Variants in PRRG1 observed in about 807,000 individuals in gnomAD.
PRRG1 encodes the protein transmembrane gamma-carboxyglutamic acid protein 1.
Under a neutral mutation model 11.8 loss-of-function variants are expected in PRRG1, and 5 were observed. That is an observed-to-expected ratio of 0.42 (90% CI 0.22 to 0.89). The LOEUF (loss-of-function observed/expected upper bound fraction) is 0.89, where lower values mean the gene tolerates loss of function less well. PRRG1 is among the 40% of genes least tolerant of loss of function. PRRG1 has a pLI of 0.28. For missense variants in PRRG1, 155 were observed against 166.1 expected (o/e 0.93, Z 0.37); for synonymous variants, 66 against 60.4 (o/e 1.09, Z -0.43).
intron 2 of PRRG1, among the ~76,000 whole-genome samples, chrX:37,411,299 A>G (rs1392191239): frequency 8.9e-6 from 1 of 111,767 alleles, no homozygotes. Context: ...GCATTTTGGT[A>G]TCTGTGGAAG....
intron 3 of PRRG1, among the ~76,000 whole-genome samples, chrX:37,438,588 C>G (rs1235406771): frequency 9.1e-6 from 1 of 109,408 alleles, no homozygotes. Flanking sequence ...AAGTGCCCAC[C>G]ACTACGACCA....
At chrX:37,360,484 T>G (rs1930376780) in intron 1 of PRRG1, among the ~76,000 whole-genome samples, 1 of 112,502 alleles carries the variant, frequency 8.9e-6, no homozygotes, top group South Asian at 3.7e-4. Context: ...TGTAATTGTT[T>G]TCTAGTTTAA....
intron 1 of PRRG1, among the ~76,000 whole-genome samples, chrX:37,405,469 A>G (rs782451150): frequency 3.5e-4 from 39 of 111,747 alleles, no homozygotes; most frequent in Non-Finnish European, 7.2e-4. Context: ...AATAATAAAT[A>G]CATGATAGCT....
At chrX:37,417,094 A>G (rs5963444) in intron 2 of PRRG1, among the ~76,000 whole-genome samples, 21,835 of 110,372 alleles carry the variant, frequency 0.2, 2,500 homozygotes, top group African/African-American at 0.44. Flanking sequence ...ATAGAAATCC[A>G]TTTCTGGCAT....
chrX:37,441,694 C>A, intron 3 of PRRG1: 1 of 797,714 alleles, frequency 1.3e-6, no homozygotes, highest in Non-Finnish European at 1.5e-6. Flanking sequence ...CTACTTCCTG[C>A]GCCAGTTGCA....
intron 2 of PRRG1, among the ~76,000 whole-genome samples, chrX:37,411,860 A>G (rs1169338890): frequency 8.9e-6 from 1 of 112,185 alleles, no homozygotes; most frequent in Non-Finnish European, 1.9e-5. Flanking sequence ...ACAAAGCAAT[A>G]TCTGGAATAG....
intron 1 of PRRG1, among the ~76,000 whole-genome samples, chrX:37,385,122 G>A (rs112921159): frequency 0.047 from 5,275 of 111,481 alleles, 302 homozygotes; most frequent in African/African-American, 0.16. Context: ...AAATAAATGG[G>A]GATATATACC....
At chrX:37,422,328 G>A (rs1386770489) in intron 2 of PRRG1, among the ~76,000 whole-genome samples, 2 of 112,076 alleles carry the variant, frequency 1.8e-5, no homozygotes, top group African/African-American at 3.2e-5. Context: ...AAACAAGGAA[G>A]CCAATAATCC....
At chrX:37,402,836 T>C (rs1337519229) in intron 1 of PRRG1, among the ~76,000 whole-genome samples, 1 of 111,142 alleles carries the variant, frequency 9.0e-6, no homozygotes, top group African/African-American at 3.3e-5. Context: ...AACAGACACT[T>C]CTCAAAAGAA....
rs1224913744 is a variant in PRRG1, at chrX:37,388,249, A to G, written c.-41-17960A>G. On this transcript the variant is annotated intron_variant, in intron 1 of 3. Coordinates refer to ENST00000378628, the MANE Select transcript of PRRG1 (RefSeq NM_001142395.2). ...GAGGGTACAAGCTGCCAGTGGATCT[A>G]CCATTCTGGGGTCTGGAAGATGGTG... 5.3e-5 allele frequency among the ~76,000 whole-genome samples: 6 copies of G among 112,186 alleles called. 1 individual carries two copies. Among genetic ancestry groups the G allele is most frequent in the East Asian group, 5.7e-4 (2 of 3,534 alleles).
intron 1 of PRRG1, among the ~76,000 whole-genome samples, chrX:37,394,526 C>A (rs922605772): frequency 1.8e-5 from 2 of 111,976 alleles, no homozygotes; most frequent in Non-Finnish European, 3.8e-5. Flanking sequence ...AAGTGATTGA[C>A]CTGCCTAATT....
intron 1 of PRRG1, among the ~76,000 whole-genome samples, chrX:37,353,155 C>G (rs1202948763): frequency 9.0e-6 from 1 of 111,476 alleles, no homozygotes; most frequent in Admixed American, 9.5e-5. Context: ...TCCAGTGGAA[C>G]AAGATGTGAA....
At chrX:37,421,655 G>A (rs1932663222) in intron 2 of PRRG1, among the ~76,000 whole-genome samples, 1 of 111,834 alleles carries the variant, frequency 8.9e-6, no homozygotes, top group African/African-American at 3.2e-5. Context: ...CCCTTATTTT[G>A]TTTTCGCATT....
intron 2 of PRRG1, among the ~76,000 whole-genome samples, chrX:37,423,677 T>C (rs1223919089): frequency 9.1e-6 from 1 of 110,245 alleles, no homozygotes; most frequent in Non-Finnish European, 1.9e-5. Flanking sequence ...CCAAAATATT[T>C]TTTTTAAGAA....
intron 1 of PRRG1, among the ~76,000 whole-genome samples, chrX:37,385,987 C>G (rs1931315440): frequency 9.0e-6 from 1 of 110,941 alleles, no homozygotes; most frequent in African/African-American, 3.3e-5. Flanking sequence ...TCTTAAACTC[C>G]TGACCTCAGG....
At chrX:37,378,305 A>G (rs1414464587) in intron 1 of PRRG1, among the ~76,000 whole-genome samples, 3 of 111,884 alleles carry the variant, frequency 2.7e-5, no homozygotes, top group Non-Finnish European at 5.7e-5. Flanking sequence ...ATATTTTCAA[A>G]GGACTTTTCT....
chrX:37,352,040 A>G (rs1930083328), intron 1 of PRRG1, among the ~76,000 whole-genome samples: 1 of 112,702 alleles, frequency 8.9e-6, no homozygotes, highest in Non-Finnish European at 1.9e-5. Context: ...TAACTCCACC[A>G]GGATCACTGG....
chrX:37,418,457 G>A (rs1556385897), intron 2 of PRRG1, among the ~76,000 whole-genome samples: 1 of 112,149 alleles, frequency 8.9e-6, no homozygotes, highest in East Asian at 2.8e-4. Flanking sequence ...TGTAGATTCA[G>A]TCTGTGGTAC....
At chrX:37,383,873 T>C (rs181661408) in intron 1 of PRRG1, among the ~76,000 whole-genome samples, 9 of 111,333 alleles carry the variant, frequency 8.1e-5, no homozygotes, top group Admixed American at 4.8e-4. Context: ...TTTTCACTTA[T>C]ACATGGTGTC....
Sources: allele counts gnomAD v4.1 joint callset (sites outside exome capture counted in the v4.1 genomes callset), GRCh38; gene constraint gnomAD v4.1.1; transcripts MANE v1.5; gene names NCBI Gene and HGNC (gene_info 2026-07-23, HGNC 2026-07-21).